The following DNER variants were observed in gnomAD, a reference collection of about 807,000 sequenced individuals.
The protein encoded by DNER is delta/notch like EGF repeat containing, also known as delta and Notch-like epidermal growth factor-related receptor.
Under a neutral mutation model 78.2 loss-of-function variants are expected in DNER, and 33 were observed. That is an observed-to-expected ratio of 0.42 (90% CI 0.32 to 0.56). The LOEUF is 0.56. Ranked by LOEUF, DNER falls within the 20% of genes least tolerant of loss-of-function variation. The pLI is 0.11. For synonymous variants in DNER, 417 were observed against 384.8 expected (o/e 1.08, Z -0.98); for missense variants, 918 against 975.3 (o/e 0.94, Z 0.78).
At chr2:229,375,997 C>T (rs1692590141) in intron 11 of DNER, among the ~76,000 whole-genome samples, 1 of 152,150 alleles carries the variant, frequency 6.6e-6, no homozygotes, top group African/African-American at 2.4e-5. Flanking sequence ...GGGTTCTTCC[C>T]TATTCACTCA....
intron 10 of DNER, among the ~76,000 whole-genome samples, 196 bp from the exon 11 acceptor site, chr2:229,388,592 A>AATATATATATATATAT (rs56042896): frequency 1.7e-5 from 1 of 57,990 alleles, no homozygotes; most frequent in Non-Finnish European, 3.9e-5. Flanking sequence ...CTAAAAAGGA[A>AATATATATATATATAT]ATATATATAT....
intron 5 of DNER, among the ~76,000 whole-genome samples, chr2:229,531,843 T>C (rs1696309292): frequency 6.6e-6 from 1 of 152,162 alleles, no homozygotes; most frequent in South Asian, 2.1e-4. Context: ...GAAGTACTCA[T>C]ACATGCTACA....
intron 5 of DNER, among the ~76,000 whole-genome samples, chr2:229,517,920 G>C (rs1157608735): frequency 6.6e-6 from 1 of 152,198 alleles, no homozygotes; most frequent in Non-Finnish European, 1.5e-5. Flanking sequence ...CCCTGGCTTG[G>C]TGTGAAATTT....
At chr2:229,492,034 T>C (rs375773601) in intron 6 of DNER, among the ~76,000 whole-genome samples, 2 of 152,122 alleles carry the variant, frequency 1.3e-5, no homozygotes, top group African/African-American at 2.4e-5. Context: ...GCATACACTG[T>C]ATACACAAAT....
At chr2:229,490,492 A>G (rs1695376842) in intron 6 of DNER, among the ~76,000 whole-genome samples, 2 of 152,216 alleles carry the variant, frequency 1.3e-5, no homozygotes, top group Admixed American at 1.3e-4. Context: ...TACACATCAT[A>G]TACTTGGACT....
chr2:229,469,867 C>T (rs994769478), intron 7 of DNER, among the ~76,000 whole-genome samples: 1 of 152,152 alleles, frequency 6.6e-6, no homozygotes, highest in African/African-American at 2.4e-5. Flanking sequence ...CGCTTGAACC[C>T]CGGGAGGCAG....
chr2:229,591,901 C>T lies in DNER; in HGVS notation c.277-13G>A. ...GATCTGCAACAAGCTGAAACGAGACCATAAATGGGTCAATTATTCCCTCAT... is the reference window on the plus strand; with the variant it reads ...GATCTGCAACAAGCTGAAACGAGACTATAAATGGGTCAATTATTCCCTCAT... On this transcript the variant is annotated splice_polypyrimidine_tract_variant and intron_variant, in intron 1 of 12. Transcript: ENST00000341772. This position sits in a 1 kb window ranked among gnomAD's most constrained non-coding sequence, Gnocchi z 4.6. The T allele has an allele frequency of 6.6e-7, 1 of 1,516,040 alleles. No individual in the cohort carries two copies. Among genetic ancestry groups the T allele is most frequent in the Non-Finnish European group, 8.8e-7 (1 of 1,134,720 alleles). 93.9% of individuals were successfully genotyped at this position (1,516,040 alleles called of 1,614,324 possible).
Position 229,484,585 on chromosome 2 carries a change from C to T in DNER, c.1148-7332G>A, listed in dbSNP as rs752238327. On this transcript the variant is annotated intron_variant, in intron 6 of 12. Coordinates refer to ENST00000341772, the MANE Select transcript of DNER (RefSeq NM_139072.4). The stretch of plus-strand genomic sequence containing the variant: ...CATATCCAGACTTAATTCCTTAGGT[C>T]GGTGGTTCTTGACTGGGGTGATTCT... Among the ~76,000 whole-genome samples the T allele has an allele frequency of 3.9e-5, 6 of 152,210 alleles. No individual in the cohort carries two copies. The South Asian group carries it at 1.0e-3, about 26-fold the overall frequency.
chr2:229,623,202 C>T (rs1027896177), intron 1 of DNER, among the ~76,000 whole-genome samples: 27 of 152,258 alleles, frequency 1.8e-4, no homozygotes, highest in Admixed American at 9.8e-4. Flanking sequence ...CCTCGCCCTA[C>T]GACAATCACC....
At chr2:229,677,456 T>C (rs1192091772) in intron 1 of DNER, among the ~76,000 whole-genome samples, 1 of 152,188 alleles carries the variant, frequency 6.6e-6, no homozygotes, top group East Asian at 1.9e-4. Flanking sequence ...TTGACTCTCA[T>C]TTTATGCACG....
intron 5 of DNER, among the ~76,000 whole-genome samples, chr2:229,519,992 A>G (rs529600827): frequency 1.4e-4 from 21 of 152,292 alleles, no homozygotes; most frequent in African/African-American, 4.3e-4. Flanking sequence ...TGGTGGCTGA[A>G]AGTACCTCTT....
intron 1 of DNER, among the ~76,000 whole-genome samples, chr2:229,632,563 G>A (rs577437307): frequency 1.2e-4 from 18 of 152,278 alleles, no homozygotes; most frequent in African/African-American, 4.1e-4. Context: ...AGGAATTTTT[G>A]TGCAGGATGG....
chr2:229,429,908 G>A (rs1693969616), intron 8 of DNER, among the ~76,000 whole-genome samples: 1 of 152,128 alleles, frequency 6.6e-6, no homozygotes. Flanking sequence ...GTAAAACTTC[G>A]ATTCACTGCT....
intron 1 of DNER, among the ~76,000 whole-genome samples, chr2:229,677,270 C>T (rs113793351): frequency 5.0e-4 from 76 of 152,230 alleles, no homozygotes; most frequent in African/African-American, 1.8e-3. Flanking sequence ...TCAAGGAGAG[C>T]GTCTGTTGTG....
At chr2:229,582,436 A>C (rs1356240267) in intron 4 of DNER, among the ~76,000 whole-genome samples, 1 of 152,120 alleles carries the variant, frequency 6.6e-6, no homozygotes, top group African/African-American at 2.4e-5. Context: ...TTTGAAGAGA[A>C]TAACACCAAA....
intron 6 of DNER, among the ~76,000 whole-genome samples, chr2:229,490,749 T>A (rs741565): frequency 0.12 from 18,958 of 152,124 alleles, 1,323 homozygotes; most frequent in South Asian, 0.2. Context: ...ATAAAGCTGT[T>A]ATTTAAAAAA....
intron 1 of DNER, among the ~76,000 whole-genome samples, chr2:229,672,582 GGA>G (rs910169835): frequency 2.0e-5 from 3 of 151,260 alleles, no homozygotes; most frequent in Admixed American, 6.6e-5. Flanking sequence ...AGAGAAGAAA[GGA>G]GAGAGAGAGG....
intron 1 of DNER, among the ~76,000 whole-genome samples, chr2:229,675,097 G>A (rs1036371418): frequency 6.6e-6 from 1 of 152,172 alleles, no homozygotes; most frequent in African/African-American, 2.4e-5. Context: ...TGTCTATACT[G>A]GTCAGGGAGA....
At chr2:229,424,402 G>A (rs1457179298) in intron 8 of DNER, among the ~76,000 whole-genome samples, 1 of 152,172 alleles carries the variant, frequency 6.6e-6, no homozygotes, top group Non-Finnish European at 1.5e-5. Context: ...CAAACGCATT[G>A]TCTAGTATGT....
Sources: gnomAD v4.1 joint callset for allele counts (sites outside exome capture counted in the v4.1 genomes callset) on GRCh38, gnomAD v4.1.1 for gene constraint, Gnocchi (gnomAD v3.1) non-coding constraint, MANE v1.5 for transcripts, NCBI Gene and HGNC (gene_info 2026-07-23, HGNC 2026-07-21) for gene names.